The following LMBRD1 variants were observed in gnomAD, a reference collection of about 807,000 sequenced individuals.
LMBRD1 encodes lysosomal cobalamin transport escort protein LMBD1.
In LMBRD1, 64 loss-of-function variants were observed where a neutral mutation model predicts 74.8. The ratio of observed to expected loss-of-function variants is 0.86; its 90% confidence interval spans 0.70 to 1.05. LMBRD1 has a LOEUF of 1.05. Among genes scored for constraint, LMBRD1 ranks in the 50% least tolerant of loss-of-function variants. The pLI is 0.00. For missense variants in LMBRD1, 652 were observed against 645.9 expected, an observed-to-expected ratio of 1.01 and a Z score of -0.10; for synonymous variants, 204 against 216.3, an observed-to-expected ratio of 0.94 and a Z score of 0.50.
At chr6:69,751,814 G>T (rs951030782) in intron 4 of LMBRD1, among the ~76,000 whole-genome samples, 6 of 152,158 alleles carry the variant, frequency 3.9e-5, no homozygotes, top group African/African-American at 1.4e-4. Flanking sequence ...GACTTGAGTG[G>T]CTAAGACAGA....
chr6:69,705,519 G>A, intron 9 of LMBRD1: 1 of 1,282,648 alleles, frequency 7.8e-7, no homozygotes, highest in Non-Finnish European at 1.1e-6. Flanking sequence ...TCTTGGTATT[G>A]ATGATGGTTT....
intron 14 of LMBRD1, among the ~76,000 whole-genome samples, chr6:69,686,924 A>G (rs1765776412): frequency 6.6e-6 from 1 of 152,194 alleles, no homozygotes; most frequent in South Asian, 2.1e-4. Flanking sequence ...CTGAGTGGTT[A>G]TCATAGACTA....
intron 14 of LMBRD1, among the ~76,000 whole-genome samples, chr6:69,695,712 T>C (rs781061766): frequency 6.6e-6 from 1 of 152,206 alleles, no homozygotes; most frequent in Non-Finnish European, 1.5e-5. Context: ...GCTGAATCCA[T>C]GGATCTGGAA....
Position 69,796,901 on chromosome 6 carries a change from C to G in LMBRD1, c.-20G>C. Reference sequence around the variant, plus strand: ...CGCCATCTTCGCTTCCGGTCCAGACCAACCTGAGCGCCCGGGGTGGGGAAA... The same window carrying G: ...CGCCATCTTCGCTTCCGGTCCAGACGAACCTGAGCGCCCGGGGTGGGGAAA... On this transcript the variant is annotated 5_prime_UTR_variant, in exon 1 of 16. Coordinates refer to ENST00000649934, the MANE Select transcript of LMBRD1 (RefSeq NM_018368.4). 2 of 1,577,604 alleles carry G rather than the reference C, an allele frequency of 1.3e-6. No individual in the cohort carries two copies. Among genetic ancestry groups the G allele is most frequent in the South Asian group, 2.2e-5 (2 of 90,436 alleles).
intron 2 of LMBRD1, 119 bp from the exon 3 acceptor site, chr6:69,780,673 A>C: frequency 1.4e-6 from 1 of 739,964 alleles, no homozygotes; most frequent in Non-Finnish European, 2.4e-6. Context: ...CATAAAAACA[A>C]TCTATGTCTT....
intron 7 of LMBRD1, among the ~76,000 whole-genome samples, chr6:69,725,517 G>A (rs1232615706): frequency 6.6e-6 from 1 of 151,940 alleles, no homozygotes; most frequent in East Asian, 1.9e-4. Context: ...AAACAGCATG[G>A]TACTGGCATA....
chr6:69,701,640 G>T, intron 10 of LMBRD1, 95 bp from the exon 11 acceptor site: 1 of 767,242 alleles, frequency 1.3e-6, no homozygotes. Flanking sequence ...ATACACCTGA[G>T]TCAAAGAAAA....
chr6:69,775,403 AG>A (rs1445166517), intron 3 of LMBRD1, among the ~76,000 whole-genome samples: 1 of 152,204 alleles, frequency 6.6e-6, no homozygotes, highest in Non-Finnish European at 1.5e-5. Context: ...TCCAGACCCT[AG>A]GATTTGCAGA....
At chr6:69,722,506 C>T (rs536622345) in intron 7 of LMBRD1, among the ~76,000 whole-genome samples, 13 of 150,350 alleles carry the variant, frequency 8.6e-5, no homozygotes, top group South Asian at 2.1e-4. Context: ...TACAATGAGA[C>T]GTAAAGAGAA....
At chr6:69,678,450 A>C (rs910697447) in intron 14 of LMBRD1, among the ~76,000 whole-genome samples, 1 of 152,040 alleles carries the variant, frequency 6.6e-6, no homozygotes, top group African/African-American at 2.4e-5. Context: ...ATCTGGCATA[A>C]GTGAACCCAT....
At chr6:69,725,941 A>C (rs1766725127) in intron 7 of LMBRD1, among the ~76,000 whole-genome samples, 1 of 152,186 alleles carries the variant, frequency 6.6e-6, no homozygotes, top group South Asian at 2.1e-4. Context: ...CAACACAATT[A>C]GGAGACAAGG....
chr6:69,728,076 T>C (rs148414770), intron 7 of LMBRD1, among the ~76,000 whole-genome samples: 1 of 152,230 alleles, frequency 6.6e-6, no homozygotes, highest in African/African-American at 2.4e-5. Flanking sequence ...CCACCAACTG[T>C]ACAGGAAGCA....
At chr6:69,741,426 C>T (rs117884950) in intron 6 of LMBRD1, among the ~76,000 whole-genome samples, 9,645 of 134,472 alleles carry the variant, frequency 0.072, 457 homozygotes, top group South Asian at 0.094. Context: ...TTGCTCAGTC[C>T]CCCAGGCTGG....
intron 3 of LMBRD1, among the ~76,000 whole-genome samples, chr6:69,770,532 C>T (rs148106666): frequency 6.6e-6 from 1 of 152,254 alleles, no homozygotes; most frequent in African/African-American, 2.4e-5. Context: ...GAAATCCCAC[C>T]CCACTCACTC....
intron 5 of LMBRD1, among the ~76,000 whole-genome samples, chr6:69,743,300 G>C (rs191683592): frequency 2.0e-5 from 3 of 152,070 alleles, no homozygotes; most frequent in Non-Finnish European, 4.4e-5. Flanking sequence ...AAAGAAATAC[G>C]TATTAGGATA....
intron 3 of LMBRD1, among the ~76,000 whole-genome samples, chr6:69,757,937 A>C (rs7747688): frequency 0.12 from 17,820 of 152,202 alleles, 2,895 homozygotes; most frequent in African/African-American, 0.36. Context: ...ATGTCCATAG[A>C]AATTGAGCGA....
At chr6:69,790,098 G>A (rs2125023) in intron 2 of LMBRD1, among the ~76,000 whole-genome samples, 198 bp downstream of exon 2, 1 of 152,180 alleles carries the variant, frequency 6.6e-6, no homozygotes, top group Non-Finnish European at 1.5e-5. Flanking sequence ...TTTGCAGGGC[G>A]GCTGAATTAA....
At chr6:69,735,337 T>C (rs1240119562) in intron 7 of LMBRD1, among the ~76,000 whole-genome samples, 2 of 151,544 alleles carry the variant, frequency 1.3e-5, no homozygotes, top group East Asian at 1.9e-4. Flanking sequence ...GAAACCAGAG[T>C]ACCCAGAGAA....
chr6:69,739,025 AC>A (rs1323222333), intron 6 of LMBRD1, among the ~76,000 whole-genome samples: 1 of 152,180 alleles, frequency 6.6e-6, no homozygotes, highest in Non-Finnish European at 1.5e-5. Context: ...TTTTAAAACT[AC>A]TTTTTATCAA....
Sources: gnomAD v4.1 joint callset for allele counts (sites outside exome capture counted in the v4.1 genomes callset) on GRCh38, gnomAD v4.1.1 for gene constraint, MANE v1.5 for transcripts, NCBI Gene and HGNC (gene_info 2026-07-23, HGNC 2026-07-21) for gene names.